PLXDC2: variants seen among roughly 807,000 people sequenced by gnomAD.
PLXDC2 encodes the protein plexin domain-containing protein 2.
In PLXDC2, 40 loss-of-function variants were observed where a neutral mutation model predicts 68.9. That is an observed-to-expected ratio of 0.58 (90% CI 0.45 to 0.76). The LOEUF (loss-of-function observed/expected upper bound fraction) is 0.76. Ranked by LOEUF, PLXDC2 falls within the 30% of genes least tolerant of loss-of-function variation. The pLI, the probability that PLXDC2 is intolerant of heterozygous loss-of-function variation, is 0.00. For synonymous variants in PLXDC2, 243 were observed against 234.2 expected (o/e 1.04, Z -0.34); for missense variants, 644 against 661.9 (o/e 0.97, Z 0.30).
chr10:20,019,626 C>T (rs780876912), intron 2 of PLXDC2, among the ~76,000 whole-genome samples: 1 of 152,150 alleles, frequency 6.6e-6, no homozygotes, highest in African/African-American at 2.4e-5. Context: ...AAAAAGACAT[C>T]CCTCTCCATT....
At chr10:19,921,541 C>A (rs527747796) in intron 1 of PLXDC2, among the ~76,000 whole-genome samples, 1 of 152,186 alleles carries the variant, frequency 6.6e-6, no homozygotes, top group Non-Finnish European at 1.5e-5. Context: ...CTGACTTAGA[C>A]CATGCATCAT....
At chr10:20,038,243 TA>T (rs112194238) in intron 2 of PLXDC2, among the ~76,000 whole-genome samples, 2,700 of 141,142 alleles carry the variant, frequency 0.019, 79 homozygotes, top group African/African-American at 0.066. Flanking sequence ...CTCAAAAAAA[TA>T]AAAAAAAAAA....
intron 13 of PLXDC2, among the ~76,000 whole-genome samples, chr10:20,258,426 C>A (rs894885690): frequency 2.0e-5 from 3 of 152,232 alleles, no homozygotes; most frequent in East Asian, 1.9e-4. Flanking sequence ...CTGTTTCCTT[C>A]CCTCTTATAC....
At chr10:20,272,008 T>C (rs1835947034) in intron 13 of PLXDC2, among the ~76,000 whole-genome samples, 4 of 152,198 alleles carry the variant, frequency 2.6e-5, no homozygotes, top group African/African-American at 7.2e-5. Flanking sequence ...ATCGGATGAC[T>C]GAATGCATTA....
chr10:19,820,403 G>A (rs1836441602), intron 1 of PLXDC2, among the ~76,000 whole-genome samples: 1 of 151,564 alleles, frequency 6.6e-6, no homozygotes, highest in Admixed American at 6.6e-5. Context: ...AGGCCGAGGC[G>A]GGTGGATCAT....
At chr10:20,261,953 A>G (rs1482820047) in intron 13 of PLXDC2, among the ~76,000 whole-genome samples, 1 of 152,222 alleles carries the variant, frequency 6.6e-6, no homozygotes, top group Non-Finnish European at 1.5e-5. Context: ...AGTGGCCAGC[A>G]TGGCCAACTA....
intron 12 of PLXDC2, among the ~76,000 whole-genome samples, chr10:20,221,557 G>A (rs781225522): frequency 2.6e-5 from 4 of 152,142 alleles, no homozygotes; most frequent in Non-Finnish European, 2.9e-5. Flanking sequence ...TAAGATAAAC[G>A]GTTCTTCAAA....
At chr10:19,842,483 C>T (rs1001397837) in intron 1 of PLXDC2, among the ~76,000 whole-genome samples, 7 of 152,174 alleles carry the variant, frequency 4.6e-5, no homozygotes, top group Non-Finnish European at 1.0e-4. Flanking sequence ...ACAACTGCAG[C>T]TCCCAATGTC....
chr10:20,164,939 C>A (rs2131815407), intron 7 of PLXDC2, among the ~76,000 whole-genome samples: 1 of 152,230 alleles, frequency 6.6e-6, no homozygotes, highest in South Asian at 2.1e-4. Flanking sequence ...CCTCAGTATC[C>A]TGAGTAGCTG....
chr10:20,021,647 T>G (rs1589590929), intron 2 of PLXDC2, among the ~76,000 whole-genome samples: 1 of 149,390 alleles, frequency 6.7e-6, no homozygotes, highest in East Asian at 1.9e-4. Flanking sequence ...TCACTCATTC[T>G]GATCTTTCTC....
In PLXDC2 at chr10:20,143,463, C is replaced by T. The variant is rs754939383; in HGVS notation, c.664+46C>T. On this transcript the variant is annotated intron_variant, in intron 5 of 13. Transcript: ENST00000377252. ...TTTTTGCTGCATGTATATTTTTAAA[C>T]CTCAAGCATCAGATTCATGTTAATG... The T allele has an allele frequency of 1.9e-6, 3 of 1,604,122 alleles. No individual in the cohort carries two copies. In the Admixed American group the frequency reaches 5.0e-5, roughly 27 times the overall value.
intron 1 of PLXDC2, among the ~76,000 whole-genome samples, chr10:19,916,547 C>T (rs998433265): frequency 6.6e-6 from 1 of 151,912 alleles, no homozygotes; most frequent in Non-Finnish European, 1.5e-5. Flanking sequence ...GTAATGGTAG[C>T]CAACAATTAT....
At chr10:20,104,787 T>A (rs1290545054) in intron 4 of PLXDC2, among the ~76,000 whole-genome samples, 1 of 152,130 alleles carries the variant, frequency 6.6e-6, no homozygotes, top group East Asian at 1.9e-4. Context: ...GTGTGGTGTC[T>A]CACGCCTGTA....
intron 1 of PLXDC2, among the ~76,000 whole-genome samples, chr10:19,989,005 A>T (rs1834699855): frequency 6.6e-6 from 1 of 151,906 alleles, no homozygotes; most frequent in African/African-American, 2.4e-5. Flanking sequence ...CATATTGCCC[A>T]GTGTGGCTGG....
chr10:20,127,921 C>G (rs760675094), intron 4 of PLXDC2, among the ~76,000 whole-genome samples: 1 of 152,144 alleles, frequency 6.6e-6, no homozygotes, highest in Non-Finnish European at 1.5e-5. Flanking sequence ...ATGAGCTTCC[C>G]TCTCTAGAGC....
chr10:20,131,247 T>C (rs1476552823), intron 4 of PLXDC2, among the ~76,000 whole-genome samples: 1 of 152,020 alleles, frequency 6.6e-6, no homozygotes, highest in Non-Finnish European at 1.5e-5. Context: ...AGTGTTTCTG[T>C]ACTGTTCTGT....
chr10:20,020,675 G>A (rs973862151), intron 2 of PLXDC2, among the ~76,000 whole-genome samples: 29 of 152,090 alleles, frequency 1.9e-4, no homozygotes, highest in African/African-American at 7.0e-4. Context: ...TTTTGAAACT[G>A]ATTTGGGTAG....
intron 4 of PLXDC2, among the ~76,000 whole-genome samples, chr10:20,093,073 C>T (rs930886977): frequency 3.9e-5 from 6 of 152,018 alleles, no homozygotes; most frequent in Admixed American, 6.6e-5. Context: ...ACAGCAGCTA[C>T]GGGAAACTAA....
At chr10:20,220,723 A>G (rs1835198559) in intron 12 of PLXDC2, among the ~76,000 whole-genome samples, 1 of 152,196 alleles carries the variant, frequency 6.6e-6, no homozygotes, top group South Asian at 2.1e-4. Context: ...TTGGGGCTAC[A>G]GAAGTGAACA....
Sources: gnomAD v4.1 joint callset for allele counts (sites outside exome capture counted in the v4.1 genomes callset) on GRCh38, gnomAD v4.1.1 for gene constraint, MANE v1.5 for transcripts, NCBI Gene and HGNC (gene_info 2026-07-23, HGNC 2026-07-21) for gene names.